Variants in CASD1 observed in about 807,000 individuals in gnomAD.
CASD1 encodes N-acetylneuraminate (7)9-O-acetyltransferase.
A neutral mutation model predicts 100.0 loss-of-function variants in CASD1; 41 were observed. That is an observed-to-expected ratio of 0.41 (90% CI 0.32 to 0.53). The LOEUF is 0.53. CASD1 is among the 20% of genes least tolerant of loss of function. The probability of loss-of-function intolerance (pLI) is 0.25; values close to 1 mark genes in which losing one functional copy is unlikely to be tolerated. For missense variants in CASD1, 774 were observed against 948.7 expected (o/e 0.82, Z 2.42); for synonymous variants, 321 against 315.6 (o/e 1.02, Z -0.18).
the CASD1 span, chr7:94,623,974 A>G: frequency 5.2e-6 from 2 of 383,486 alleles, no homozygotes; most frequent in Non-Finnish European, 9.2e-6. Flanking sequence ...ACACAAATCA[A>G]TCCCTTCATA....
At chr7:94,521,901 C>T (rs370648104) in intron 3 of CASD1, among the ~76,000 whole-genome samples, 67 of 152,140 alleles carry the variant, frequency 4.4e-4, no homozygotes, top group East Asian at 1.7e-3. Flanking sequence ...CTGGCTAACA[C>T]GGTGAAACCC....
chr7:94,601,443 CAAAAAAA>C, the CASD1 span, among the ~76,000 whole-genome samples: 389 of 89,200 alleles, frequency 4.4e-3, no homozygotes, highest in African/African-American at 4.9e-3. Context: ...ATCCCAGTAT[CAAAAAAA>C]AAAAAAAAAA....
chr7:94,585,517 T>C, the CASD1 span: 2 of 1,603,224 alleles, frequency 1.2e-6, no homozygotes, highest in Non-Finnish European at 1.7e-6. Context: ...ACCATTTACC[T>C]GCAATGTGTA....
At position 94,549,571 on chromosome 7, in the gene CASD1, CAAGTGTTTTGAACTGAAAGGG is replaced by C; in HGVS notation, c.1755_1775del (p.Lys585_Gly591del). On this transcript the variant is annotated inframe_deletion, in exon 14 of 18. Coordinates refer to ENST00000297273, the MANE Select transcript of CASD1 (RefSeq NM_022900.5). ...AGATCTTTTCTCTTTGGCCATTGTCCAAGTGTTTTGAACTGAAAGGGAATGTATATGAATGGTGGTTCAGAT... is the reference window on the plus strand; with the variant it reads ...AGATCTTTTCTCTTTGGCCATTGTCCAATGTATATGAATGGTGGTTCAGAT... 1.9e-6 allele frequency: 3 copies of C among 1,610,846 alleles called. No homozygotes were observed. Among genetic ancestry groups the C allele is most frequent in the Non-Finnish European group, 2.5e-6 (3 of 1,178,306 alleles).
the CASD1 span, among the ~76,000 whole-genome samples, chr7:94,592,206 T>C: frequency 1.2e-4 from 18 of 152,192 alleles, no homozygotes; most frequent in Non-Finnish European, 2.4e-4. Context: ...TTTAAAACTG[T>C]GTATTTCATT....
chr7:94,513,840 A>C (rs1793839827), intron 1 of CASD1, among the ~76,000 whole-genome samples: 1 of 152,180 alleles, frequency 6.6e-6, no homozygotes, highest in South Asian at 2.1e-4. Context: ...TCATGTTCTA[A>C]TCTCAATTTT....
chr7:94,590,280 A>G, the CASD1 span, among the ~76,000 whole-genome samples: 1 of 152,102 alleles, frequency 6.6e-6, no homozygotes, highest in Non-Finnish European at 1.5e-5. Context: ...ATTTTTAATT[A>G]AAAAAATCTC....
chr7:94,587,020 G>A, the CASD1 span: 5 of 982,648 alleles, frequency 5.1e-6, no homozygotes, highest in Non-Finnish European at 6.0e-6. Context: ...AAGGTAATAG[G>A]CTCTAGTGTT....
the CASD1 span, among the ~76,000 whole-genome samples, chr7:94,595,235 G>T: frequency 2.0e-5 from 3 of 152,274 alleles, no homozygotes; most frequent in Admixed American, 2.0e-4. Flanking sequence ...AATGGTGGCA[G>T]CCATTCATTA....
chr7:94,545,186 A>T lies in CASD1; in HGVS notation c.1477-359A>T, dbSNP rs575387889. Among the ~76,000 whole-genome samples, 34 of 152,262 alleles carry T rather than the reference A, an allele frequency of 2.2e-4. No individual in the cohort carries two copies. The East Asian group carries it at 6.4e-3, about 29-fold the overall frequency. On this transcript the variant is annotated intron_variant, in intron 11 of 17. Transcript: ENST00000297273. Reference sequence around the variant, plus strand: ...CAAATGGGGTAAGTCAACATTAAACAAAGATGAAATGGACACTGCTTTCTT... The same window carrying T: ...CAAATGGGGTAAGTCAACATTAAACTAAGATGAAATGGACACTGCTTTCTT...
At chr7:94,623,008 G>C in the CASD1 span, among the ~76,000 whole-genome samples, 2 of 152,050 alleles carry the variant, frequency 1.3e-5, no homozygotes, top group Admixed American at 6.6e-5. Flanking sequence ...CAGTGCTCCA[G>C]CCTTAACTTG....
chr7:94,588,785 C>CAG, the CASD1 span: 1 of 1,610,350 alleles, frequency 6.2e-7, no homozygotes, highest in Non-Finnish European at 8.5e-7. Context: ...CACTTGTAAA[C>CAG]AGAGAGCAGA....
At chr7:94,577,652 C>T in the CASD1 span, among the ~76,000 whole-genome samples, 1 of 152,130 alleles carries the variant, frequency 6.6e-6, no homozygotes, top group African/African-American at 2.4e-5. Flanking sequence ...CTTTTCAAAG[C>T]CTCTATGGAA....
the CASD1 span, chr7:94,603,288 A>G: frequency 6.2e-7 from 1 of 1,609,894 alleles, no homozygotes; most frequent in Non-Finnish European, 8.5e-7. Context: ...ATAAAAACTT[A>G]CCAATGAAAT....
At chr7:94,520,358 C>A (rs1345639336) in intron 3 of CASD1, among the ~76,000 whole-genome samples, 2 of 151,996 alleles carry the variant, frequency 1.3e-5, no homozygotes, top group Non-Finnish European at 2.9e-5. Context: ...GAAGATAATT[C>A]TTTGTTTGAA....
At chr7:94,629,771 A>G in the CASD1 span, 1 of 1,611,224 alleles carries the variant, frequency 6.2e-7, no homozygotes, top group Non-Finnish European at 8.5e-7. Flanking sequence ...TTTCCAAAAC[A>G]TGAACAAAGA....
chr7:94,537,903 C>A lies in CASD1; in HGVS notation c.1266+9C>A. ...ATGAAAATACTAAAGAGGTAAGAGTCATTTTCTTTTTAACTCATGTTACCC... is the reference window on the plus strand; with the variant it reads ...ATGAAAATACTAAAGAGGTAAGAGTAATTTTCTTTTTAACTCATGTTACCC... On this transcript the variant is annotated intron_variant, in intron 9 of 17. Transcript: ENST00000297273. The A allele has an allele frequency of 2.9e-6, 4 of 1,385,216 alleles. No individual in the cohort carries two copies. In the South Asian group the frequency reaches 4.8e-5, roughly 17 times the overall value. 85.8% of individuals were successfully genotyped at this position (1,385,216 alleles called of 1,614,324 possible). A position where few individuals can be genotyped will look rare whatever the true frequency, so the allele number is the denominator to read the frequency against.
chr7:94,582,998 G>T, the CASD1 span, among the ~76,000 whole-genome samples: 1 of 152,152 alleles, frequency 6.6e-6, no homozygotes, highest in African/African-American at 2.4e-5. Flanking sequence ...TGGATGGCTT[G>T]CTTAAAGGCT....
rs1420920989 is a variant in CASD1, at chr7:94,510,214, C to T, written c.130C>T (p.Arg44Ter). ...AACHLASRRY[R>*]GNDSCEYLLS... ...GTGCCACCTCGCCTCCCGCCGCTAC[C>T]GAGGTGAGCGGGCCCTCCCCTCTGC... The change falls in exon 1 of 18, where the codon CGA (arginine) becomes TGA (stop). Residue 44 changes from arginine (R) to a stop codon, truncating the protein, a stop_gained. Coordinates refer to ENST00000297273, the MANE Select transcript of CASD1 (RefSeq NM_022900.5). LOFTEE classifies it high-confidence loss of function. 8 of 1,504,064 alleles carry T rather than the reference C, an allele frequency of 5.3e-6. No individual in the cohort carries two copies. The highest frequency in any genetic ancestry group is 3.6e-6 in the Non-Finnish European group (4 of 1,123,260). 93.2% of individuals were successfully genotyped at this position (1,504,064 alleles called of 1,614,324 possible). A position where few individuals can be genotyped will look rare whatever the true frequency, so the allele number is the denominator to read the frequency against.
Sources: allele counts gnomAD v4.1 joint callset (sites outside exome capture counted in the v4.1 genomes callset), GRCh38; gene constraint gnomAD v4.1.1; transcripts MANE v1.5; gene names NCBI Gene and HGNC (gene_info 2026-07-23, HGNC 2026-07-21).